Variants in NARS2 observed in about 807,000 individuals in gnomAD.
NARS2 encodes asparaginyl-tRNA synthetase.
In NARS2, 60 loss-of-function variants were observed where a neutral mutation model predicts 62.9. That is an observed-to-expected ratio of 0.95 (90% CI 0.77 to 1.18). The LOEUF (loss-of-function observed/expected upper bound fraction) is 1.18. NARS2 is among the 50% of genes most tolerant of loss of function. NARS2 has a pLI of 0.00. For synonymous variants in NARS2, 196 were observed against 200.0 expected (o/e 0.98, Z 0.17); for missense variants, 619 against 576.4 (o/e 1.07, Z -0.76).
intron 6 of NARS2, among the ~76,000 whole-genome samples, chr11:78,517,038 A>C (rs145635574): frequency 1.9e-4 from 29 of 152,354 alleles, no homozygotes; most frequent in Non-Finnish European, 4.0e-4. Flanking sequence ...AGTTAGCCAG[A>C]CAAAGGCATG....
rs1857564498 is a variant in NARS2 at position 78,441,086 on chromosome 11, C to A, written c.1289+5G>T. On this transcript the variant is annotated splice_donor_5th_base_variant and intron_variant, in intron 13 of 13. Coordinates refer to ENST00000281038, the MANE Select transcript of NARS2 (RefSeq NM_024678.6). ...AGTAAGAATTATTAGGGGCCACATT[C>A]TTACCATTGGTAGACTTCTGTAAGT... 6.2e-7 allele frequency: 1 copy of A among 1,612,108 alleles called. No individual in the cohort carries two copies. Among genetic ancestry groups the A allele is most frequent in the Non-Finnish European group, 8.5e-7 (1 of 1,179,158 alleles).
At chr11:78,561,030 G>GC (rs1237931781) in intron 4 of NARS2, among the ~76,000 whole-genome samples, 1 of 152,166 alleles carries the variant, frequency 6.6e-6, no homozygotes, top group African/African-American at 2.4e-5. Flanking sequence ...AAACATGATT[G>GC]CCCAAGTTAG....
At chr11:78,554,508 C>CGCGTGTGTGTGT (rs1555041422) in intron 5 of NARS2, among the ~76,000 whole-genome samples, 1 of 147,016 alleles carries the variant, frequency 6.8e-6, no homozygotes, top group African/African-American at 2.5e-5. Context: ...GGCGTGTGTG[C>CGCGTGTGTGTGT]GTGTGTGTGT....
chr11:78,440,346 G>T (rs1857538245), intron 13 of NARS2, among the ~76,000 whole-genome samples: 1 of 152,028 alleles, frequency 6.6e-6, no homozygotes, highest in African/African-American at 2.4e-5. Flanking sequence ...TTACAGGCGT[G>T]AGCCACCATG....
chr11:78,517,422 G>A (rs763058697), intron 6 of NARS2, among the ~76,000 whole-genome samples: 3 of 152,174 alleles, frequency 2.0e-5, no homozygotes, highest in Non-Finnish European at 4.4e-5. Context: ...AAGAATCCAT[G>A]TTAGAAATAG....
intron 6 of NARS2, among the ~76,000 whole-genome samples, chr11:78,517,044 G>T (rs933728820): frequency 2.6e-5 from 4 of 152,152 alleles, no homozygotes; most frequent in East Asian, 1.9e-4. Context: ...CCAGACAAAG[G>T]CATGGCGAAA....
intron 7 of NARS2, among the ~76,000 whole-genome samples, chr11:78,490,030 C>T (rs540385996): frequency 2.0e-5 from 3 of 152,202 alleles, no homozygotes; most frequent in Non-Finnish European, 4.4e-5. Context: ...CAGAGTGAGA[C>T]CCTGCCTCAA....
chr11:78,552,041 C>G (rs187823566), intron 5 of NARS2, among the ~76,000 whole-genome samples: 8 of 152,138 alleles, frequency 5.3e-5, no homozygotes, highest in Non-Finnish European at 5.9e-5. Flanking sequence ...ATGTGAAGGT[C>G]TGTTACATAA....
chr11:78,493,674 CAAAAAAAA>C (rs891436051), intron 6 of NARS2, among the ~76,000 whole-genome samples: 1 of 102,770 alleles, frequency 9.7e-6, no homozygotes, highest in Non-Finnish European at 2.1e-5. Flanking sequence ...AACAAACAAA[CAAAAAAAA>C]AAAAGAAAAA....
At position 78,551,981 on chromosome 11, in the gene NARS2, A is replaced by G. The variant is rs560209903; in HGVS notation, c.594+7558T>C. On this transcript the variant is annotated intron_variant, in intron 5 of 13. Transcript: ENST00000281038. ...CCTTCTCATGTATCTCTCCACCCAG[A>G]GTCTAATAAAAACCCCTACATTCAT... Among the ~76,000 whole-genome samples, 17 of 152,272 alleles carry G rather than the reference A, an allele frequency of 1.1e-4. No individual in the cohort carries two copies. In the South Asian group the frequency reaches 3.5e-3, roughly 32 times the overall value.
chr11:78,511,671 C>G (rs554385516), intron 6 of NARS2, among the ~76,000 whole-genome samples: 2 of 151,254 alleles, frequency 1.3e-5, no homozygotes, highest in Non-Finnish European at 2.9e-5. Context: ...GAGCTGAGAT[C>G]GCCCCACTGC....
At chr11:78,533,217 T>C (rs902299556) in intron 5 of NARS2, 1 of 152,164 alleles carries the variant, frequency 6.6e-6, no homozygotes. Flanking sequence ...ACTCTCAAGG[T>C]TGAATCTCCC....
At chr11:78,538,643 C>G (rs1855470995) in intron 5 of NARS2, among the ~76,000 whole-genome samples, 1 of 152,058 alleles carries the variant, frequency 6.6e-6, no homozygotes, top group Non-Finnish European at 1.5e-5. Flanking sequence ...GGTGTCATAC[C>G]TTACGAGAGT....
At chr11:78,497,706 T>G (rs141245037) in intron 6 of NARS2, among the ~76,000 whole-genome samples, 2 of 152,202 alleles carry the variant, frequency 1.3e-5, no homozygotes, top group Non-Finnish European at 2.9e-5. Context: ...TATTTCTACA[T>G]GCCTAAAAGA....
At chr11:78,437,847 C>T (rs576363294) in intron 13 of NARS2, among the ~76,000 whole-genome samples, 6 of 151,542 alleles carry the variant, frequency 4.0e-5, no homozygotes, top group South Asian at 2.1e-4. Context: ...TAGTGGCGCC[C>T]GTCTGTAATC....
intron 2 of NARS2, 49 bp downstream of exon 2, chr11:78,571,286 A>T: frequency 8.4e-7 from 1 of 1,183,716 alleles, no homozygotes; most frequent in Non-Finnish European, 1.3e-6. Context: ...GAGAAGCACT[A>T]GAGGTGAAAA....
chr11:78,538,177 T>C (rs756398053), intron 5 of NARS2, among the ~76,000 whole-genome samples: 7 of 152,138 alleles, frequency 4.6e-5, no homozygotes, highest in Non-Finnish European at 8.8e-5. Context: ...ACTGCCTACG[T>C]TGTTCACCTC....
intron 6 of NARS2, among the ~76,000 whole-genome samples, chr11:78,517,793 A>C (rs1225906348): frequency 6.6e-6 from 1 of 152,232 alleles, no homozygotes; most frequent in African/African-American, 2.4e-5. Flanking sequence ...ACTATACAGA[A>C]AATGCAATTG....
chr11:78,563,883 C>CATTATTATT (rs1453360896), intron 4 of NARS2, among the ~76,000 whole-genome samples: 2 of 93,138 alleles, frequency 2.1e-5, no homozygotes, highest in African/African-American at 1.0e-4. Flanking sequence ...TACACACACA[C>CATTATTATT]AGTATTATTA....
Sources: allele counts gnomAD v4.1 joint callset (sites outside exome capture counted in the v4.1 genomes callset), GRCh38; gene constraint gnomAD v4.1.1; transcripts MANE v1.5; gene names NCBI Gene and HGNC (gene_info 2026-07-23, HGNC 2026-07-21).